RHBDL3: variants seen among roughly 807,000 people sequenced by gnomAD.
RHBDL3 encodes rhomboid-related protein 3.
In RHBDL3, 28 loss-of-function variants were observed where a neutral mutation model predicts 48.2. The ratio of observed to expected loss-of-function variants is 0.58; its 90% CI spans 0.43 to 0.80. The LOEUF is 0.80. RHBDL3 is among the 30% of genes least tolerant of loss of function. The pLI is 0.00. For synonymous variants in RHBDL3, 208 were observed against 232.3 expected, an observed-to-expected ratio of 0.90 and a Z score of 0.95; for missense variants, 464 against 542.7, an observed-to-expected ratio of 0.85 and a Z score of 1.44.
At chr17:32,283,941 G>C (rs901726887) in intron 2 of RHBDL3, among the ~76,000 whole-genome samples, 39 of 152,310 alleles carry the variant, frequency 2.6e-4, no homozygotes, top group African/African-American at 9.4e-4. Context: ...GTCAGGAAGG[G>C]TGAGTCGGAG....
At chr17:32,268,507 A>G (rs571802000) in intron 2 of RHBDL3, among the ~76,000 whole-genome samples, 90 of 152,284 alleles carry the variant, frequency 5.9e-4, no homozygotes, top group Admixed American at 1.3e-3. Flanking sequence ...GGGGGTGCCA[A>G]GTATTGGCTT....
intron 8 of RHBDL3, 74 bp downstream of exon 8, chr17:32,316,366 G>A (rs1265897563): frequency 8.8e-7 from 1 of 1,132,164 alleles, no homozygotes; most frequent in Non-Finnish European, 1.3e-6. Context: ...CACAGTTCCT[G>A]CCCTTCACGG....
chr17:32,307,425 C>T (rs1375004980), intron 7 of RHBDL3, among the ~76,000 whole-genome samples: 1 of 152,196 alleles, frequency 6.6e-6, no homozygotes, highest in Non-Finnish European at 1.5e-5. Context: ...TGTTTTTCTT[C>T]CTTATCAATC....
chr17:32,323,067 A>C lies in RHBDL3; in HGVS notation c.*1838A>C, dbSNP rs1440333665. The C allele has an allele frequency of 1.3e-5, 2 of 152,474 alleles. No individual in the cohort carries two copies. The highest frequency in any genetic ancestry group is 2.9e-5 in the Non-Finnish European group (2 of 68,352). 9.4% of individuals were successfully genotyped at this position (152,474 alleles called of 1,614,324 possible). On this transcript the variant is annotated 3_prime_UTR_variant, in exon 9 of 9. Transcript: ENST00000269051. ...CTTCCCATCCTGGTGACTACATGTA[A>C]ATGGGCTCACTCACTCACTGGCAGG... is the stretch of plus-strand genomic sequence containing the variant.
intron 6 of RHBDL3, among the ~76,000 whole-genome samples, chr17:32,301,563 G>T (rs1013911193): frequency 6.6e-6 from 1 of 152,142 alleles, no homozygotes. Flanking sequence ...GCTCACACCT[G>T]TAATCCCAGC....
intron 2 of RHBDL3, among the ~76,000 whole-genome samples, chr17:32,281,527 CT>C (rs2040047457): frequency 6.6e-6 from 1 of 152,048 alleles, no homozygotes; most frequent in Non-Finnish European, 1.5e-5. Context: ...CCACCTGCTC[CT>C]TCTCAGCCCG....
Position 32,319,721 on chromosome 17 carries a change from A to G in RHBDL3, c.944-1237A>G, listed in dbSNP as rs115757378. Among the ~76,000 whole-genome samples, 501 of 152,342 alleles carry G rather than the reference A, an allele frequency of 3.3e-3. 1 individual carries two copies. Among genetic ancestry groups the G allele is most frequent in the African/African-American group, 0.012 (482 of 41,584 alleles). On this transcript the variant is annotated intron_variant, in intron 8 of 8. Transcript: ENST00000269051. ...GGTTCTGGCACCCCCTGCAGTGGTT[A>G]GGGTGGAGAGAAGTGCCCTGGCTCA...
At chr17:32,294,220 C>A in intron 4 of RHBDL3, 74 bp from the exon 5 acceptor site, 1 of 1,263,284 alleles carries the variant, frequency 7.9e-7, no homozygotes, top group South Asian at 1.4e-5. Context: ...TAGGGACTCC[C>A]AGTGCTAGTC....
At position 32,321,370 on chromosome 17, in the gene RHBDL3, A is replaced by G; in HGVS notation, c.*141A>G. The G allele has an allele frequency of 1.3e-6, 2 of 1,539,878 alleles. No individual in the cohort carries two copies. Among genetic ancestry groups the G allele is most frequent in the Non-Finnish European group, 8.7e-7 (1 of 1,148,052 alleles). ...CTGGGCCACTGTAATGTTTGTGTTT[A>G]GATTTGGACACACAGTGGAGACCCT... is the stretch of plus-strand genomic sequence containing the variant. On this transcript the variant is annotated 3_prime_UTR_variant, in exon 9 of 9. Coordinates refer to ENST00000269051, the MANE Select transcript of RHBDL3 (RefSeq NM_138328.3).
chr17:32,298,272 C>A, intron 6 of RHBDL3, 68 bp downstream of exon 6: 1 of 1,011,096 alleles, frequency 9.9e-7, no homozygotes, highest in South Asian at 1.4e-5. Context: ...CCCTGTGGGG[C>A]GGGGCAAGCC....
chr17:32,267,817 C>A, intron 1 of RHBDL3, 85 bp from the exon 2 acceptor site: 1 of 1,608,040 alleles, frequency 6.2e-7, no homozygotes, highest in South Asian at 1.1e-5. Context: ...TCAGAAACAT[C>A]CGAGGACTAC....
At chr17:32,274,298 A>T (rs2039844241) in intron 2 of RHBDL3, among the ~76,000 whole-genome samples, 2 of 152,072 alleles carry the variant, frequency 1.3e-5, no homozygotes, top group South Asian at 4.1e-4. Flanking sequence ...TTCCTGCTGG[A>T]GCTTTACTTA....
Position 32,277,134 on chromosome 17 carries a change from C to A in RHBDL3, c.136-7525C>A, listed in dbSNP as rs563868345. Among the ~76,000 whole-genome samples, 5 of 152,320 alleles carry A rather than the reference C, an allele frequency of 3.3e-5. No individual in the cohort carries two copies. The East Asian group carries it at 7.7e-4, about 24-fold the overall frequency. On this transcript the variant is annotated intron_variant, in intron 2 of 8. Coordinates refer to ENST00000269051, the MANE Select transcript of RHBDL3 (RefSeq NM_138328.3). ...ACCTTCCTGACTCAAGAGGTCTTTA[C>A]CCCAGTGGCAGCTGGTTCCTTGGCT...
At position 32,321,224 on chromosome 17, in the gene RHBDL3, C is replaced by G. The variant is rs751380812; in HGVS notation, c.1210C>G (p.Pro404Ala). 5.6e-6 allele frequency: 9 copies of G among 1,614,092 alleles called. No homozygotes were observed. In the African/African-American group the frequency reaches 8.0e-5, roughly 14 times the overall value. The change falls in exon 9 of 9, where the codon CCC (proline) becomes GCC (alanine). Residue 404 changes from proline (P) to alanine (A), a missense_variant. Coordinates refer to ENST00000269051, the MANE Select transcript of RHBDL3 (RefSeq NM_138328.3). ...TLLDLKLPPP[P>A] ...GCTGGACTTAAAGCTGCCGCCTCCC[C>G]CCTGAGGGCTGGAGGCCCAAGGTCG...
chr17:32,291,854 C>T (rs1328274999), intron 4 of RHBDL3, among the ~76,000 whole-genome samples: 1 of 150,452 alleles, frequency 6.6e-6, no homozygotes, highest in African/African-American at 2.5e-5. Context: ...TCACTGCAAC[C>T]TCCGCCGGCT....
intron 8 of RHBDL3, among the ~76,000 whole-genome samples, chr17:32,317,134 A>G (rs1250995300): frequency 1.3e-5 from 2 of 152,106 alleles, no homozygotes; most frequent in African/African-American, 2.4e-5. Flanking sequence ...TGGCCTCCCA[A>G]AGTGCTGGGA....
chr17:32,317,409 C>G (rs1214531949), intron 8 of RHBDL3, among the ~76,000 whole-genome samples: 3 of 152,272 alleles, frequency 2.0e-5, no homozygotes, highest in South Asian at 2.1e-4. Context: ...CAAACTGTAA[C>G]TAGTCCAAGA....
At chr17:32,310,213 T>C (rs916657431) in intron 7 of RHBDL3, among the ~76,000 whole-genome samples, 11 of 152,224 alleles carry the variant, frequency 7.2e-5, no homozygotes, top group African/African-American at 2.4e-4. Flanking sequence ...GTCTGAATTT[T>C]CACAAACTGA....
intron 7 of RHBDL3, among the ~76,000 whole-genome samples, chr17:32,307,660 G>C (rs1041365844): frequency 2.0e-5 from 3 of 152,166 alleles, no homozygotes; most frequent in Non-Finnish European, 2.9e-5. Flanking sequence ...GGGAAACGTG[G>C]AACGGTGAGC....
Sources: allele counts gnomAD v4.1 joint callset (sites outside exome capture counted in the v4.1 genomes callset), GRCh38; gene constraint gnomAD v4.1.1; transcripts MANE v1.5; gene names NCBI Gene and HGNC (gene_info 2026-07-23, HGNC 2026-07-21).